Variants in COL15A1 observed in about 807,000 individuals in gnomAD.
COL15A1 encodes the protein collagen alpha-1(XV) chain.
Under a neutral mutation model 165.9 loss-of-function variants are expected in COL15A1, and 111 were observed. That is an observed-to-expected ratio of 0.67 (90% CI 0.57 to 0.78). The LOEUF (loss-of-function observed/expected upper bound fraction) is 0.78, where lower values mean the gene tolerates loss of function less well. Among genes scored for constraint, COL15A1 ranks in the 30% least tolerant of loss-of-function variants. The probability of loss-of-function intolerance (pLI) is 0.00; values close to 1 mark genes in which losing one functional copy is unlikely to be tolerated. For synonymous variants in COL15A1, 659 were observed against 674.8 expected (o/e 0.98, Z 0.36); for missense variants, 1,745 against 1,789.7 (o/e 0.98, Z 0.45).
At chr9:99,032,956 G>C (rs1168385981) in intron 16 of COL15A1, among the ~76,000 whole-genome samples, 1 of 152,140 alleles carries the variant, frequency 6.6e-6, no homozygotes. Flanking sequence ...TTTTCTCTGT[G>C]AGAATGTGTG....
rs997986882 is a variant in COL15A1 at position 99,020,447 on chromosome 9, G to A, written c.1701+5G>A. The stretch of plus-strand genomic sequence containing the variant: ...GCTGGGCCCAAAGGAGAAAAGGTTT[G>A]TGCTGTGACCATCCTGGGGAACACT... On this transcript the variant is annotated splice_donor_5th_base_variant and intron_variant, in intron 12 of 41. Coordinates refer to ENST00000375001, the MANE Select transcript of COL15A1 (RefSeq NM_001855.5). 9 of 1,605,324 alleles carry A rather than the reference G, an allele frequency of 5.6e-6. No individual in the cohort carries two copies. Among genetic ancestry groups the A allele is most frequent in the Non-Finnish European group, 7.7e-6 (9 of 1,171,952 alleles).
intron 39 of COL15A1, among the ~76,000 whole-genome samples, chr9:99,066,110 C>T (rs367865089): frequency 1.4e-4 from 22 of 152,094 alleles, no homozygotes; most frequent in African/African-American, 4.3e-4. Flanking sequence ...AAGTTACCCC[C>T]GAGATGAGAT....
At chr9:99,002,060 C>G (rs1402844760) in intron 7 of COL15A1, among the ~76,000 whole-genome samples, 3 of 151,722 alleles carry the variant, frequency 2.0e-5, no homozygotes, top group Admixed American at 6.6e-5. Context: ...ACAAATACCC[C>G]TCCCTTCTCC....
intron 9 of COL15A1, among the ~76,000 whole-genome samples, chr9:99,010,584 C>G (rs1381583048): frequency 6.6e-6 from 1 of 152,142 alleles, no homozygotes; most frequent in East Asian, 1.9e-4. Flanking sequence ...ACCTCGGCAC[C>G]CGGGAGTGAT....
chr9:99,048,937 G>A (rs1669112000), intron 28 of COL15A1, among the ~76,000 whole-genome samples: 2 of 152,056 alleles, frequency 1.3e-5, no homozygotes, highest in Admixed American at 1.3e-4. Context: ...TTCTGTTTGT[G>A]CCACACTGCT....
At chr9:99,018,024 A>G (rs1335902302) in intron 11 of COL15A1, among the ~76,000 whole-genome samples, 1 of 152,140 alleles carries the variant, frequency 6.6e-6, no homozygotes, top group Non-Finnish European at 1.5e-5. Flanking sequence ...TCAACCCCAA[A>G]CATCCTATCA....
chr9:99,028,466 C>A (rs936228140), intron 16 of COL15A1, among the ~76,000 whole-genome samples: 2 of 152,072 alleles, frequency 1.3e-5, no homozygotes, highest in African/African-American at 4.8e-5. Flanking sequence ...GCCTGACCAA[C>A]ATGGTGGAAC....
At chr9:99,034,470 A>G in intron 16 of COL15A1, 79 bp from the exon 17 acceptor site, 2 of 1,521,066 alleles carry the variant, frequency 1.3e-6, no homozygotes, top group Non-Finnish European at 1.8e-6. Flanking sequence ...CTTGGAGTCC[A>G]TAATTGTGCA....
intron 16 of COL15A1, among the ~76,000 whole-genome samples, chr9:99,027,239 T>G (rs1191297746): frequency 6.6e-6 from 1 of 152,166 alleles, no homozygotes; most frequent in Non-Finnish European, 1.5e-5. Flanking sequence ...AAGAGAGATC[T>G]CAGCTGGGAT....
At chr9:98,958,048 G>T (rs998656118) in intron 2 of COL15A1, among the ~76,000 whole-genome samples, 2 of 152,148 alleles carry the variant, frequency 1.3e-5, no homozygotes, top group African/African-American at 4.8e-5. Context: ...ACCCTGTTAC[G>T]TTCAGGTCGC....
At chr9:99,060,335 C>T (rs1825796605) in intron 36 of COL15A1, among the ~76,000 whole-genome samples, 3 of 150,180 alleles carry the variant, frequency 2.0e-5, no homozygotes, top group Admixed American at 6.6e-5. Flanking sequence ...GATCACGGCT[C>T]ACTGCAGCCT....
chr9:98,965,541 A>G (rs74539333), intron 2 of COL15A1, among the ~76,000 whole-genome samples: 2,287 of 152,212 alleles, frequency 0.015, 140 homozygotes, highest in East Asian at 0.12. Flanking sequence ...CTCTGGATCC[A>G]TAATTCTCTC....
intron 22 of COL15A1, among the ~76,000 whole-genome samples, chr9:99,039,416 C>T (rs541858454): frequency 2.0e-5 from 3 of 152,134 alleles, no homozygotes; most frequent in South Asian, 4.2e-4. Flanking sequence ...GGCTGAGGCA[C>T]GAGAATCACT....
intron 2 of COL15A1, among the ~76,000 whole-genome samples, chr9:98,954,491 T>C (rs1182352689): frequency 5.3e-5 from 8 of 152,252 alleles, no homozygotes; most frequent in South Asian, 2.1e-4. Flanking sequence ...CTCTGGAACA[T>C]TAAATACTCG....
intron 2 of COL15A1, among the ~76,000 whole-genome samples, chr9:98,963,444 TGACTCCCAACAG>T (rs1486698096): frequency 6.6e-6 from 1 of 152,204 alleles, no homozygotes; most frequent in African/African-American, 2.4e-5. Context: ...TTTAGCGATG[TGACTCCCAACAG>T]GTTCCTTGTT....
rs556168926 is a variant in COL15A1, at chr9:99,016,323, G to A, written c.1647+204G>A. Among the ~76,000 whole-genome samples the A allele has an allele frequency of 4.6e-5, 7 of 152,376 alleles. No homozygotes were observed. In the East Asian group the frequency reaches 1.2e-3, roughly 25 times the overall value. On this transcript the variant is annotated intron_variant, in intron 11 of 41. Transcript: ENST00000375001. ...CATAGAGAAAAAGCAAGAGATTAAAGTCAAGGGGACCTAGCTTTGTGTCCC... is the reference window on the plus strand; with the variant it reads ...CATAGAGAAAAAGCAAGAGATTAAAATCAAGGGGACCTAGCTTTGTGTCCC...
intron 22 of COL15A1, 35 bp from the exon 23 acceptor site, chr9:99,040,486 C>G: frequency 6.2e-7 from 1 of 1,614,146 alleles, no homozygotes; most frequent in East Asian, 2.2e-5. Context: ...AATGCCGCTC[C>G]TAATCCAGCG....
intron 28 of COL15A1, 106 bp downstream of exon 28, chr9:99,048,106 C>A (rs1016787303): frequency 1.2e-5 from 9 of 746,716 alleles, no homozygotes; most frequent in Non-Finnish European, 2.2e-5. Flanking sequence ...GAATGTTGTT[C>A]TTCTTCCTTC....
At chr9:98,966,301 GC>G (rs2118821250) in intron 2 of COL15A1, among the ~76,000 whole-genome samples, 1 of 152,270 alleles carries the variant, frequency 6.6e-6, no homozygotes, top group South Asian at 2.1e-4. Flanking sequence ...ACTCTTTCAA[GC>G]TCCTCCTATC....
Sources: gnomAD v4.1 joint callset for allele counts (sites outside exome capture counted in the v4.1 genomes callset) on GRCh38, gnomAD v4.1.1 for gene constraint, MANE v1.5 for transcripts, NCBI Gene and HGNC (gene_info 2026-07-23, HGNC 2026-07-21) for gene names.